CCDC172: variants seen among roughly 807,000 people sequenced by gnomAD.
The protein encoded by CCDC172 is coiled-coil domain containing 172, also known as coiled-coil domain-containing protein 172.
In CCDC172, 30 loss-of-function variants were observed where a neutral mutation model predicts 38.0. The ratio of observed to expected loss-of-function variants is 0.79; its 90% CI spans 0.59 to 1.07. The LOEUF (loss-of-function observed/expected upper bound fraction) is 1.07, where lower values mean the gene tolerates loss of function less well. Ranked by LOEUF, CCDC172 falls within the 50% of genes least tolerant of loss-of-function variation. CCDC172 has a pLI of 0.00. For synonymous variants in CCDC172, 78 were observed against 88.3 expected, an observed-to-expected ratio of 0.88 and a Z score of 0.66; for missense variants, 297 against 290.1, an observed-to-expected ratio of 1.02 and a Z score of -0.17.
intron 7 of CCDC172, among the ~76,000 whole-genome samples, chr10:116,363,993 C>A (rs752808493): frequency 2.0e-5 from 3 of 150,246 alleles, no homozygotes; most frequent in Non-Finnish European, 4.4e-5. Flanking sequence ...TAAAAGTCAT[C>A]AAGATTAAAT....
intron 7 of CCDC172, among the ~76,000 whole-genome samples, chr10:116,358,170 A>T (rs1845023120): frequency 6.6e-6 from 1 of 152,100 alleles, no homozygotes; most frequent in African/African-American, 2.4e-5. Flanking sequence ...GAAATTAATT[A>T]TATCTTTTCT....
At chr10:116,357,257 A>T in intron 5 of CCDC172, 123 bp from the exon 6 acceptor site, 1 of 596,572 alleles carries the variant, frequency 1.7e-6, no homozygotes, top group Non-Finnish European at 2.8e-6. Context: ...CTTTTCACTT[A>T]TTTGTGTTGT....
intron 7 of CCDC172, among the ~76,000 whole-genome samples, chr10:116,361,748 T>G (rs1845067103): frequency 6.6e-6 from 1 of 152,180 alleles, no homozygotes; most frequent in African/African-American, 2.4e-5. Context: ...GAAAAAGTCA[T>G]CTAGTTAAGT....
chr10:116,371,830 A>G (rs1472863432), intron 7 of CCDC172, among the ~76,000 whole-genome samples: 1 of 152,124 alleles, frequency 6.6e-6, no homozygotes, highest in African/African-American at 2.4e-5. Flanking sequence ...TCATTAAATC[A>G]AAACACTGCA....
intron 7 of CCDC172, among the ~76,000 whole-genome samples, chr10:116,365,990 A>G (rs1472859457): frequency 6.6e-6 from 1 of 152,176 alleles, no homozygotes; most frequent in East Asian, 1.9e-4. Context: ...TACAATGACA[A>G]AATCACCTAA....
intron 3 of CCDC172, among the ~76,000 whole-genome samples, chr10:116,325,753 A>G (rs983402594): frequency 6.6e-6 from 1 of 152,278 alleles, no homozygotes; most frequent in Non-Finnish European, 1.5e-5. Context: ...CTATGTTGAT[A>G]TAACAATTGC....
chr10:116,335,253 A>C (rs1844714207), intron 3 of CCDC172, among the ~76,000 whole-genome samples: 1 of 152,000 alleles, frequency 6.6e-6, no homozygotes, highest in Non-Finnish European at 1.5e-5. Context: ...ACCTGAGTAA[A>C]TGTCACATGT....
At chr10:116,332,076 G>A (rs182519059) in intron 3 of CCDC172, among the ~76,000 whole-genome samples, 9 of 152,132 alleles carry the variant, frequency 5.9e-5, no homozygotes, top group Admixed American at 2.0e-4. Flanking sequence ...GGCTCTCTTT[G>A]CCTGTGATTT....
At chr10:116,349,010 C>T (rs1228749291) in intron 5 of CCDC172, among the ~76,000 whole-genome samples, 1 of 152,102 alleles carries the variant, frequency 6.6e-6, no homozygotes, top group Non-Finnish European at 1.5e-5. Context: ...ACTCACATTA[C>T]CACCTGAGCT....
At chr10:116,330,626 AACTAC>A (rs1565711217) in intron 3 of CCDC172, among the ~76,000 whole-genome samples, 1 of 152,220 alleles carries the variant, frequency 6.6e-6, no homozygotes, top group Non-Finnish European at 1.5e-5. Context: ...AATCATTTCC[AACTAC>A]ATATCTGTGC....
chr10:116,375,698 C>T (rs1232211989), intron 7 of CCDC172, among the ~76,000 whole-genome samples: 2 of 151,828 alleles, frequency 1.3e-5, no homozygotes, highest in African/African-American at 4.8e-5. Context: ...AACAAACAGC[C>T]CCATCAAAAA....
chr10:116,379,911 C>G lies in CCDC172; in HGVS notation c.*553C>G, dbSNP rs1733803463. 1 of 152,418 alleles carries G rather than the reference C, an allele frequency of 6.6e-6. No homozygotes were observed. The highest frequency in any genetic ancestry group is 1.5e-5 in the Non-Finnish European group (1 of 68,276). The allele number at this position is 152,418 out of a possible 1,614,324, so 9.4% of individuals were successfully genotyped here. On this transcript the variant is annotated 3_prime_UTR_variant, in exon 9 of 9. Coordinates refer to ENST00000333254, the MANE Select transcript of CCDC172 (RefSeq NM_198515.3). ...CCACCGTATGAGATGTCTCACTCCC[C>G]CTTTGCCTTCAGTCATGATTGGAAA...
intron 3 of CCDC172, among the ~76,000 whole-genome samples, chr10:116,326,372 C>A (rs1460476480): frequency 6.6e-6 from 1 of 152,110 alleles, no homozygotes; most frequent in Non-Finnish European, 1.5e-5. Flanking sequence ...GAGAGTTATT[C>A]AAAAATATTT....
rs779461489 is a variant in CCDC172, at chr10:116,325,075, C to A, written c.64C>A (p.Arg22Ser). The A allele has an allele frequency of 6.2e-7, 1 of 1,613,810 alleles. No individual in the cohort carries two copies. Among genetic ancestry groups the A allele is most frequent in the African/African-American group, 1.3e-5 (1 of 74,906 alleles). Residue 22 changes from arginine (R) to serine (S), a missense_variant, in exon 2 of 9, where the codon CGT (arginine) becomes AGT (serine). Transcript: ENST00000333254. ...CGAGCATCAGGCGGAGGAGAGTCGC[C>A]GTTTGATGCGAGAAGGTCGGGGTAT... is the stretch of plus-strand genomic sequence containing the variant. ...FTEHQAEESR[R>S]LMREVRSEIT...
intron 7 of CCDC172, among the ~76,000 whole-genome samples, chr10:116,373,870 T>C (rs1254856479): frequency 1.3e-5 from 2 of 152,204 alleles, no homozygotes; most frequent in East Asian, 3.8e-4. Context: ...TATTAACCCA[T>C]ATGCAAGCAT....
chr10:116,348,811 T>A (rs1844897521), intron 5 of CCDC172, among the ~76,000 whole-genome samples: 1 of 152,180 alleles, frequency 6.6e-6, no homozygotes, highest in Admixed American at 6.6e-5. Context: ...TGTACCCTGC[T>A]TCCTCCTGCC....
chr10:116,330,647 G>A (rs1287071148), intron 3 of CCDC172, among the ~76,000 whole-genome samples: 6 of 152,146 alleles, frequency 3.9e-5, no homozygotes, highest in African/African-American at 9.7e-5. Flanking sequence ...TGTGCACTCC[G>A]TATTCTCCAA....
intron 7 of CCDC172, among the ~76,000 whole-genome samples, chr10:116,368,312 G>T (rs1228460355): frequency 6.6e-6 from 1 of 152,010 alleles, no homozygotes; most frequent in Non-Finnish European, 1.5e-5. Context: ...CCTTGAATCA[G>T]TTATTACAAT....
At chr10:116,338,287 A>G (rs1258259142) in intron 3 of CCDC172, among the ~76,000 whole-genome samples, 1 of 152,040 alleles carries the variant, frequency 6.6e-6, no homozygotes, top group Admixed American at 6.6e-5. Flanking sequence ...TTTTTTAACC[A>G]TAGATCCTAT....
Sources: gnomAD v4.1 joint callset for allele counts (sites outside exome capture counted in the v4.1 genomes callset) on GRCh38, gnomAD v4.1.1 for gene constraint, MANE v1.5 for transcripts, NCBI Gene and HGNC (gene_info 2026-07-23, HGNC 2026-07-21) for gene names.